NCOA6: variants seen among roughly 807,000 people sequenced by gnomAD.
NCOA6 encodes NRC RAP250.
NCOA6 carries 49 observed loss-of-function variants against 171.4 expected under a neutral mutation model. That is an observed-to-expected ratio of 0.29 (90% CI 0.23 to 0.36). NCOA6 has a LOEUF of 0.36. NCOA6 is among the 10% of genes least tolerant of loss of function. The pLI is 1.00. For missense variants in NCOA6, 2,248 were observed against 2,554.5 expected (o/e 0.88, Z 2.59); for synonymous variants, 910 against 927.5 (o/e 0.98, Z 0.34).
At chr20:34,716,626 C>T (rs1988632688) in intron 14 of NCOA6, among the ~76,000 whole-genome samples, 1 of 152,056 alleles carries the variant, frequency 6.6e-6, no homozygotes, top group Non-Finnish European at 1.5e-5. Flanking sequence ...TGGCACATGC[C>T]TGTAGTCCCA....
chr20:34,743,523 G>A lies in NCOA6; in HGVS notation c.2915-182C>T, dbSNP rs189684138. Among the ~76,000 whole-genome samples the A allele has an allele frequency of 4.6e-5, 7 of 152,322 alleles. No individual in the cohort carries two copies. The East Asian group carries it at 1.4e-3, about 29-fold the overall frequency. On this transcript the variant is annotated intron_variant, in intron 10 of 14. Transcript: ENST00000359003. ...ACTTGACATAAGCAAAAGGGGCACA[G>A]TGCTTAAGGAAGCAAAAAGCAAAGC...
intron 12 of NCOA6, among the ~76,000 whole-genome samples, chr20:34,735,831 C>T (rs1022586138): frequency 6.6e-6 from 1 of 152,028 alleles, no homozygotes; most frequent in Admixed American, 6.6e-5. Context: ...CTTTTACTGG[C>T]TCAGATTCAC....
intron 5 of NCOA6, among the ~76,000 whole-genome samples, chr20:34,768,212 C>T (rs1490136019): frequency 6.6e-6 from 1 of 152,144 alleles, no homozygotes; most frequent in Non-Finnish European, 1.5e-5. Flanking sequence ...TGTCACACAA[C>T]AGGAAGTCAA....
intron 5 of NCOA6, among the ~76,000 whole-genome samples, chr20:34,762,364 G>T (rs955833670): frequency 4.6e-5 from 7 of 152,090 alleles, no homozygotes; most frequent in Non-Finnish European, 8.8e-5. Context: ...GTAAACCTGA[G>T]AATACTATTC....
chr20:34,749,575 A>C lies in NCOA6; in HGVS notation c.2620T>G (p.Phe874Val). The change falls in exon 9 of 15, where the codon TTC (phenylalanine) becomes GTC (valine). Residue 874 changes from phenylalanine to valine, a missense_variant. Physicochemically the swap from Phe to Val is conservative, Grantham distance 50. Around this residue, in one of 7 missense-constraint regions of NCOA6, gnomAD observed 987 missense variants for 1,104.7 expected, o/e 0.89. Transcript: ENST00000359003. ...AGCGTGACATCCTTATTGACTGGGA[A>C]GCCTGGATTTTGACCACAGGACATC... Reference protein sequence around the residue: ...NQMSCGQNPGFPVNKDVTLTS... With the variant: ...NQMSCGQNPGVPVNKDVTLTS... 1 of 1,614,232 alleles carries C rather than the reference A, an allele frequency of 6.2e-7. No homozygotes were observed. Among genetic ancestry groups the C allele is most frequent in the Admixed American group, 1.7e-5 (1 of 60,018 alleles).
chr20:34,765,306 A>C (rs138672160), intron 5 of NCOA6, among the ~76,000 whole-genome samples: 4,352 of 151,644 alleles, frequency 0.029, 227 homozygotes, highest in African/African-American at 0.1. Flanking sequence ...CAAAAAAAAA[A>C]ATTAGCCAGG....
chr20:34,742,212 A>G lies in NCOA6; in HGVS notation c.4044T>C (p.Asn1348=), dbSNP rs779802995. ...CCAGAGTAAGTTTAGGGGCTTTTGA[A>G]TTTTGCCTCCCAGGGCTTGGAGTGG... is the stretch of plus-strand genomic sequence containing the variant. The part of the protein sequence containing the change: ...RKTTPSPGRQ[N]SKAPKLTLAS... The change falls in exon 11 of 15, where the codon AAT becomes AAC. Residue 1348 remains asparagine (N), a synonymous_variant. Transcript: ENST00000359003. The G allele has an allele frequency of 4.8e-5, 78 of 1,614,006 alleles. 1 individual carries two copies. In the South Asian group the frequency reaches 7.7e-4, roughly 16 times the overall value.
chr20:34,770,282 C>T (rs972814183), intron 4 of NCOA6, among the ~76,000 whole-genome samples: 1 of 152,114 alleles, frequency 6.6e-6, no homozygotes, highest in South Asian at 2.1e-4. Context: ...TTGTGATCCG[C>T]CCAAAGTGCT....
intron 1 of NCOA6, among the ~76,000 whole-genome samples, chr20:34,796,003 A>ATTTTTTTTTTTTTTTTTTTTTTTTTT (rs569229378): frequency 1.0e-5 from 1 of 95,766 alleles, no homozygotes; most frequent in Non-Finnish European, 2.0e-5. Context: ...ATATGTTTGA[A>ATTTTTTTTTTTTTTTTTTTTTTTTTT]TTTTTTTTTT....
At chr20:34,791,731 TGA>T (rs1257672346) in intron 2 of NCOA6, among the ~76,000 whole-genome samples, 5 of 152,112 alleles carry the variant, frequency 3.3e-5, no homozygotes, top group Admixed American at 3.3e-4. Context: ...TTCAACAAAC[TGA>T]GATAAAAATC....
rs139051839 is a variant in NCOA6, at chr20:34,800,438, T to G, written c.-163-7875A>C. On this transcript the variant is annotated intron_variant, in intron 1 of 14. Transcript: ENST00000359003. Reference sequence around the variant, plus strand: ...TGAAAAGACACAGAAAGTGGCTGAATGAACAACAACAACAGAAAACAAGAC... The same window carrying G: ...TGAAAAGACACAGAAAGTGGCTGAAGGAACAACAACAACAGAAAACAAGAC... Among the ~76,000 whole-genome samples the G allele has an allele frequency of 5.5e-3, 837 of 152,152 alleles. 38 individuals are homozygous for G. The highest frequency in any genetic ancestry group is 0.047 in the Admixed American group (717 of 15,262).
At position 34,792,572 on chromosome 20, in the gene NCOA6, A is replaced by AAAC. The variant is rs1000970245; in HGVS notation, c.-163-12_-163-10dup. The AAAC allele has an allele frequency of 7.3e-5, 29 of 398,376 alleles. No individual in the cohort carries two copies. The highest frequency in any genetic ancestry group is 1.0e-4 in the Non-Finnish European group (23 of 225,876). The allele number at this position is 398,376 out of a possible 1,614,324, so 24.7% of individuals were successfully genotyped here. ...GCAGCCAAATCAAAATTCTAAAAAC[A>AAAC]AACAACAACAACAACAACAAAAAGA... On this transcript the variant is annotated splice_polypyrimidine_tract_variant and intron_variant, in intron 1 of 14. Transcript: ENST00000359003.
At chr20:34,733,122 G>T (rs984833107) in intron 12 of NCOA6, among the ~76,000 whole-genome samples, 4 of 152,110 alleles carry the variant, frequency 2.6e-5, no homozygotes, top group Non-Finnish European at 4.4e-5. Context: ...CAACCTCCCA[G>T]CAATGCCCTC....
At chr20:34,753,371 A>C (rs1377100856) in intron 8 of NCOA6, among the ~76,000 whole-genome samples, 1 of 151,528 alleles carries the variant, frequency 6.6e-6, no homozygotes, top group Non-Finnish European at 1.5e-5. Context: ...CTATAAAAAA[A>C]CATGAATTTG....
At chr20:34,745,601 G>A (rs1031492337) in intron 10 of NCOA6, among the ~76,000 whole-genome samples, 3 of 152,138 alleles carry the variant, frequency 2.0e-5, no homozygotes, top group African/African-American at 7.2e-5. Flanking sequence ...CATAAATTAG[G>A]GGTAGATTAA....
At chr20:34,730,730 T>TA (rs11480680) in intron 13 of NCOA6, among the ~76,000 whole-genome samples, 2 of 150,832 alleles carry the variant, frequency 1.3e-5, no homozygotes, top group East Asian at 3.9e-4. Context: ...TTTTTTTTTT[T>TA]AAGATAGAGT....
At chr20:34,810,784 T>G (rs570247253) in intron 1 of NCOA6, among the ~76,000 whole-genome samples, 1 of 152,180 alleles carries the variant, frequency 6.6e-6, no homozygotes, top group Non-Finnish European at 1.5e-5. Flanking sequence ...GACCTTGTGA[T>G]CTGCCCACCT....
intron 14 of NCOA6, among the ~76,000 whole-genome samples, chr20:34,720,223 T>C (rs1274938279): frequency 6.6e-6 from 1 of 152,248 alleles, no homozygotes; most frequent in Non-Finnish European, 1.5e-5. Flanking sequence ...CATTTGTGTT[T>C]TTGTGGCAAA....
At chr20:34,787,046 G>C (rs1472830765) in intron 2 of NCOA6, among the ~76,000 whole-genome samples, 5 of 151,418 alleles carry the variant, frequency 3.3e-5, no homozygotes, top group Non-Finnish European at 2.9e-5. Context: ...CTACAGAATG[G>C]GACAAAATTT....
Sources: allele counts gnomAD v4.1 joint callset (sites outside exome capture counted in the v4.1 genomes callset), GRCh38; gene constraint gnomAD v4.1.1; regional missense constraint gnomAD v4.1.1; transcripts MANE v1.5; gene names NCBI Gene and HGNC (gene_info 2026-07-23, HGNC 2026-07-21).